TG: variants seen among roughly 807,000 people sequenced by gnomAD.
The protein encoded by TG is thyroid hormones.
A neutral mutation model predicts 324.7 loss-of-function variants in TG; 270 were observed. The ratio of observed to expected loss-of-function variants is 0.83; its 90% CI spans 0.75 to 0.92. The LOEUF is 0.92. Among genes scored for constraint, TG ranks in the 40% least tolerant of loss-of-function variants. The pLI, the probability that TG is intolerant of heterozygous loss-of-function variation, is 0.00. For synonymous variants in TG, 1,401 were observed against 1,327.0 expected (o/e 1.06, Z -1.21); for missense variants, 3,591 against 3,456.4 (o/e 1.04, Z -0.98).
At chr8:133,038,502 G>C (rs773661301) in intron 41 of TG, 6 of 1,561,296 alleles carry the variant, frequency 3.8e-6, no homozygotes, top group Non-Finnish European at 5.3e-6. Flanking sequence ...TTTTGGGCAT[G>C]AACCATTGTG....
At chr8:132,983,720 T>C in intron 35 of TG, 4 of 468,636 alleles carry the variant, frequency 8.5e-6, no homozygotes, top group Non-Finnish European at 3.9e-6. Context: ...TATCGAGTAA[T>C]GACTAGACAC....
Position 132,935,768 on chromosome 8 carries a change from C to G in TG, c.4945C>G (p.Leu1649Val). The change falls in exon 25 of 48, where the codon CTG becomes GTG. Residue 1649 changes from leucine (L) to valine (V), a missense_variant. By Grantham distance (32) the Leu-to-Val change is conservative. Transcript: ENST00000220616. ...CMTSDQKRDA[L>V]GNSKATSFGS... ...TTTCCATCTCCAGAAACGAGATGCA[C>G]TGGGGAACTCAAAGGCCACCAGCTT... 1 of 1,612,820 alleles carries G rather than the reference C, an allele frequency of 6.2e-7. No individual in the cohort carries two copies. The highest frequency in any genetic ancestry group is 1.1e-5 in the South Asian group (1 of 91,018).
chr8:132,873,371 GTGCC>G (rs1839679072), intron 5 of TG, 150 bp downstream of exon 5: 19 of 1,088,148 alleles, frequency 1.7e-5, no homozygotes, highest in African/African-American at 3.2e-5. Flanking sequence ...GGCATCTAAA[GTGCC>G]ACGGCGTTTT....
intron 43 of TG, among the ~76,000 whole-genome samples, chr8:133,101,395 T>C (rs1021527395): frequency 3.3e-5 from 5 of 152,208 alleles, no homozygotes; most frequent in Non-Finnish European, 7.3e-5. Flanking sequence ...TGCATTTCTC[T>C]GTTTGCCCCA....
intron 35 of TG, among the ~76,000 whole-genome samples, chr8:133,003,494 T>C (rs1350570506): frequency 6.6e-6 from 1 of 152,030 alleles, no homozygotes; most frequent in African/African-American, 2.4e-5. Flanking sequence ...CTATAGTCAC[T>C]GTGCTGTGTA....
intron 41 of TG, among the ~76,000 whole-genome samples, chr8:133,041,003 G>T (rs1373546064): frequency 6.6e-6 from 1 of 152,150 alleles, no homozygotes; most frequent in Non-Finnish European, 1.5e-5. Flanking sequence ...TGTAGCTTCC[G>T]TCTCTTGGAA....
At chr8:133,002,694 C>A in intron 35 of TG, 1 of 234,576 alleles carries the variant, frequency 4.3e-6, no homozygotes, top group South Asian at 7.3e-5. Context: ...GTGGAGCAAG[C>A]TGGCGCTTCA....
chr8:133,113,514 C>A lies in TG; in HGVS notation c.7665C>A (p.Arg2555=). 1.9e-6 allele frequency: 3 copies of A among 1,614,060 alleles called. No individual in the cohort carries two copies. Among genetic ancestry groups the A allele is most frequent in the Non-Finnish European group, 2.5e-6 (3 of 1,180,010 alleles). ...TGGGTGGCGAGGACTCAGATGCCCG[C>A]GTCGAGGCTGCTGCTACATGGTATT... is the stretch of plus-strand genomic sequence containing the variant. ...NSLGGEDSDA[R]VEAAATWYYS... is the part of the protein sequence containing the mutation. Residue 2555 remains arginine (R), a synonymous_variant, in exon 44 of 48, where the codon CGC becomes CGA. Transcript: ENST00000220616.
intron 35 of TG, among the ~76,000 whole-genome samples, chr8:133,009,472 G>GA (rs534016530): frequency 5.5e-4 from 84 of 152,184 alleles, no homozygotes; most frequent in Middle Eastern, 3.4e-3. Flanking sequence ...GGGCCTGGGT[G>GA]AAACATTATG....
At chr8:133,101,168 C>CTTA in intron 43 of TG, among the ~76,000 whole-genome samples, 2 of 152,066 alleles carry the variant, frequency 1.3e-5, no homozygotes, top group Non-Finnish European at 2.9e-5. Flanking sequence ...CACCTTACCC[C>CTTA]CACCATACGC....
rs538511384 is a variant in TG, at chr8:133,009,674, T to C, written c.6263-2227T>C. Among the ~76,000 whole-genome samples the C allele has an allele frequency of 1.4e-3, 208 of 152,096 alleles. 2 individuals carry two copies. The highest frequency in any genetic ancestry group is 4.9e-3 in the African/African-American group (202 of 41,482). ...TGGGCACTGATCAGGGTGCAGAGCC[T>C]CATGATGGGGTCGGTGCCCTTCTAA... On this transcript the variant is annotated intron_variant, in intron 35 of 47. Coordinates refer to ENST00000220616, the MANE Select transcript of TG (RefSeq NM_003235.5).
chr8:133,066,952 T>C (rs998718261), intron 41 of TG, among the ~76,000 whole-genome samples: 4 of 152,190 alleles, frequency 2.6e-5, no homozygotes, highest in African/African-American at 9.7e-5. Flanking sequence ...TCAAATCTGA[T>C]GGGGAAAGGG....
chr8:133,111,433 G>A (rs1465935122), intron 43 of TG, among the ~76,000 whole-genome samples: 16 of 149,792 alleles, frequency 1.1e-4, no homozygotes, highest in Admixed American at 9.9e-4. Flanking sequence ...AATAGTAAGA[G>A]GGGTGCCAGT....
intron 16 of TG, among the ~76,000 whole-genome samples, chr8:132,901,979 CA>C (rs1366162999): frequency 6.6e-6 from 1 of 152,010 alleles, no homozygotes; most frequent in African/African-American, 2.4e-5. Flanking sequence ...TAGTGAATGT[CA>C]AATATTGAAA....
chr8:132,939,045 C>CAAAA lies in TG; in HGVS notation c.5042-2286_5042-2283dup, dbSNP rs36002632. On this transcript the variant is annotated intron_variant, in intron 25 of 47. Coordinates refer to ENST00000220616, the MANE Select transcript of TG (RefSeq NM_003235.5). ...CCAGCCTGGGCAACAGCAGGAGTCT[C>CAAAA]AAAAAAAAAAAAAAAAAAAAAAAGC... 6.5e-4 allele frequency among the ~76,000 whole-genome samples: 44 copies of CAAAA among 67,744 alleles called. 1 individual carries two copies. Among genetic ancestry groups the CAAAA allele is most frequent in the African/African-American group, 2.4e-3 (41 of 16,828 alleles). 44.4% of individuals were successfully genotyped at this position (67,744 alleles called of 152,430 possible). A position where few individuals can be genotyped will look rare whatever the true frequency, so the allele number is the denominator to read the frequency against.
chr8:133,056,336 A>G (rs770317509), intron 41 of TG, among the ~76,000 whole-genome samples: 9 of 152,214 alleles, frequency 5.9e-5, no homozygotes, highest in Non-Finnish European at 1.2e-4. Flanking sequence ...TTAGATTCAA[A>G]TAGAAAAAAG....
intron 41 of TG, among the ~76,000 whole-genome samples, chr8:133,091,665 T>C (rs949557338): frequency 1.1e-4 from 17 of 152,080 alleles, no homozygotes; most frequent in Admixed American, 9.8e-4. Context: ...TCTATGACTG[T>C]GCGTGTGTGT....
At chr8:132,872,345 G>A (rs1839564292) in intron 4 of TG, among the ~76,000 whole-genome samples, 1 of 151,652 alleles carries the variant, frequency 6.6e-6, no homozygotes, top group African/African-American at 2.4e-5. Context: ...GGGCGTGGTG[G>A]CGGGCACCTG....
chr8:132,906,973 G>C, intron 17 of TG, 73 bp downstream of exon 17: 1 of 1,472,100 alleles, frequency 6.8e-7, no homozygotes, highest in East Asian at 2.5e-5. Context: ...AGATATGGAG[G>C]CGTGGCTGCT....
Sources: allele counts gnomAD v4.1 joint callset (sites outside exome capture counted in the v4.1 genomes callset), GRCh38; gene constraint gnomAD v4.1.1; transcripts MANE v1.5; gene names NCBI Gene and HGNC (gene_info 2026-07-23, HGNC 2026-07-21).